The following BOD1L1 variants were observed in gnomAD, a reference collection of about 807,000 sequenced individuals.
The protein encoded by BOD1L1 is biorientation of chromosomes in cell division 1 like 1, also known as biorientation of chromosomes in cell division protein 1-like 1.
Under a neutral mutation model 240.7 loss-of-function variants are expected in BOD1L1, and 86 were observed. The ratio of observed to expected loss-of-function variants is 0.36; its 90% confidence interval spans 0.30 to 0.43. BOD1L1 has a LOEUF of 0.43. BOD1L1 is among the 20% of genes least tolerant of loss of function. The pLI, the probability that BOD1L1 is intolerant of heterozygous loss-of-function variation, is 1.00. For missense variants in BOD1L1, 3,554 were observed against 3,643.5 expected, an observed-to-expected ratio of 0.98 and a Z score of 0.63; for synonymous variants, 1,268 against 1,272.3, an observed-to-expected ratio of 1.00 and a Z score of 0.07.
Position 13,603,236 on chromosome 4 carries a change from C to T in BOD1L1, c.3664G>A (p.Glu1222Lys). The change falls in exon 10 of 26, where the codon GAA becomes AAA. Residue 1222 changes from glutamate to lysine, a missense_variant. By Grantham distance (56) the Glu-to-Lys change is moderately conservative. Transcript: ENST00000040738. The stretch of plus-strand genomic sequence containing the variant: ...TCAGTAGTTCCTCTATGAATGGGTT[C>T]TTTCTCCCCAGGGTTCATTTTGGAC... ...AVSKMNPGEK[E>K]PIHRGTTEVN... 6.2e-7 allele frequency: 1 copy of T among 1,613,986 alleles called. No individual in the cohort carries two copies. The highest frequency in any genetic ancestry group is 2.2e-5 in the East Asian group (1 of 44,886).
intron 2 of BOD1L1, 147 bp from the exon 3 acceptor site, chr4:13,615,649 A>T: frequency 1.3e-6 from 1 of 766,410 alleles, no homozygotes; most frequent in South Asian, 2.1e-5. Context: ...GATATAGACA[A>T]TGGAAACTAA....
In BOD1L1 at chr4:13,604,577, G is replaced by C; in HGVS notation, c.2323C>G (p.Gln775Glu). 1 of 1,564,618 alleles carries C rather than the reference G, an allele frequency of 6.4e-7. No homozygotes were observed. The highest frequency in any genetic ancestry group is 8.6e-7 in the Non-Finnish European group (1 of 1,164,258). ...GAAGAAAGCTTTGTTTGTTGACTTT[G>C]CTTTTGAATATTTTCCTCTACTTTT... Reference protein sequence around the residue: ...GLKVEENIQKQSQQTKLSSDD... With the variant: ...GLKVEENIQKESQQTKLSSDD... Residue 775 changes from glutamine to glutamate, a missense_variant, in exon 10 of 26, where the codon CAA (glutamine) becomes GAA (glutamate). Coordinates refer to ENST00000040738, the MANE Select transcript of BOD1L1 (RefSeq NM_148894.3).
intron 25 of BOD1L1, among the ~76,000 whole-genome samples, chr4:13,572,376 A>G (rs1046362134): frequency 6.6e-6 from 1 of 152,144 alleles, no homozygotes; most frequent in Non-Finnish European, 1.5e-5. Context: ...CACCTCTCCA[A>G]TGCTCTAGCT....
At chr4:13,607,067 G>A in intron 9 of BOD1L1, 50 bp downstream of exon 9, 1 of 1,213,016 alleles carries the variant, frequency 8.2e-7, no homozygotes, top group Non-Finnish European at 1.2e-6. Flanking sequence ...GGAATAAACA[G>A]CCTATATCTA....
At chr4:13,585,107 T>C (rs777978547) in intron 17 of BOD1L1, among the ~76,000 whole-genome samples, 16 of 152,234 alleles carry the variant, frequency 1.1e-4, no homozygotes, top group Non-Finnish European at 1.6e-4. Flanking sequence ...AAGTATTGTC[T>C]CAGGATTTTT....
chr4:13,598,206 G>C (rs1423673458), intron 10 of BOD1L1, among the ~76,000 whole-genome samples: 1 of 152,182 alleles, frequency 6.6e-6, no homozygotes, highest in East Asian at 1.9e-4. Flanking sequence ...ATTTCTAAAA[G>C]ACCAGCACTG....
chr4:13,622,693 C>G (rs547543773), intron 1 of BOD1L1, among the ~76,000 whole-genome samples: 3 of 152,324 alleles, frequency 2.0e-5, no homozygotes, highest in East Asian at 3.9e-4. Context: ...TGGCCTCATG[C>G]AGAATTCTAT....
At chr4:13,618,530 C>T (rs942209994) in intron 2 of BOD1L1, among the ~76,000 whole-genome samples, 3 of 152,158 alleles carry the variant, frequency 2.0e-5, no homozygotes, top group Non-Finnish European at 2.9e-5. Context: ...TTGACCTTTT[C>T]CCACCAGGTA....
At chr4:13,591,002 T>G (rs1227643276) in intron 13 of BOD1L1, among the ~76,000 whole-genome samples, 1 of 152,120 alleles carries the variant, frequency 6.6e-6, no homozygotes, top group Non-Finnish European at 1.5e-5. Context: ...ATGGAGAACA[T>G]GCCAGCTGGC....
chr4:13,581,565 G>T (rs753319535), intron 19 of BOD1L1, among the ~76,000 whole-genome samples: 4 of 151,656 alleles, frequency 2.6e-5, no homozygotes, highest in Non-Finnish European at 5.9e-5. Flanking sequence ...AAAAATAAAG[G>T]GGTCCACTGA....
In BOD1L1 at chr4:13,611,019, G is replaced by A. The variant is rs754199786; in HGVS notation, c.1406C>T (p.Ala469Val). Residue 469 changes from alanine (A) to valine (V), a missense_variant, in exon 6 of 26, where the codon GCG becomes GTG. By Grantham distance (64) the Ala-to-Val change is moderately conservative. This residue lies in a region of BOD1L1 where 3,393 missense variants were observed against 3,427.1 expected (regional missense o/e 0.99). Coordinates refer to ENST00000040738, the MANE Select transcript of BOD1L1 (RefSeq NM_148894.3). Reference protein sequence around the residue: ...SEGKTKSVRHAYVHKPYLYSK... With the variant: ...SEGKTKSVRHVYVHKPYLYSK... ...GTAAAGATATGGTTTGTGGACATAC[G>A]CATGCCGTACACTTTTTGTTTTTCC... is the stretch of plus-strand genomic sequence containing the variant. 6.8e-6 allele frequency: 11 copies of A among 1,611,618 alleles called. No homozygotes were observed. The highest frequency in any genetic ancestry group is 2.2e-5 in the East Asian group (1 of 44,822).
At chr4:13,584,461 T>A (rs1276207047) in intron 17 of BOD1L1, among the ~76,000 whole-genome samples, 3 of 151,310 alleles carry the variant, frequency 2.0e-5, no homozygotes, top group Admixed American at 6.6e-5. Flanking sequence ...TGTGTGTGTG[T>A]GTGTGTGTGT....
In BOD1L1 at chr4:13,614,421, TA is replaced by T; in HGVS notation, c.948del (p.Asn316LysfsTer54). The stretch of plus-strand genomic sequence containing the variant: ...TTCTTTTCACCTTTGTCTGTTGATT[TA>T]TTTTTTTGCTCACTGCTTTCCTGTT... The part of the protein sequence containing the change: ...DVQQESSEQK[N>X]KSTDKGEKKP... On this transcript the variant is annotated frameshift_variant, in exon 4 of 26. Transcript: ENST00000040738. LOFTEE classifies it high-confidence loss of function. 1 of 1,597,356 alleles carries T rather than the reference TA, an allele frequency of 6.3e-7. No homozygotes were observed. Among genetic ancestry groups the T allele is most frequent in the Non-Finnish European group, 8.5e-7 (1 of 1,170,294 alleles).
intron 11 of BOD1L1, 89 bp from the exon 12 acceptor site, chr4:13,596,033 G>A: frequency 9.5e-7 from 1 of 1,051,460 alleles, no homozygotes; most frequent in Non-Finnish European, 1.4e-6. Flanking sequence ...AAAAAACCCA[G>A]CATCCTGAAA....
intron 20 of BOD1L1, 26 bp downstream of exon 20, chr4:13,581,106 G>A (rs1197900260): frequency 6.4e-7 from 1 of 1,566,176 alleles, no homozygotes; most frequent in African/African-American, 1.4e-5. Flanking sequence ...TCTTGTGTGT[G>A]AACTGAAAAC....
intron 17 of BOD1L1, among the ~76,000 whole-genome samples, chr4:13,584,483 T>TGTGTGTGTGTG (rs1553836196): frequency 7.4e-6 from 1 of 135,558 alleles, no homozygotes; most frequent in African/African-American, 3.0e-5. Context: ...TGTGTGTGTG[T>TGTGTGTGTGTG]TGGAGCGAGT....
Position 13,599,609 on chromosome 4 carries a change from C to T in BOD1L1, c.7291G>A (p.Glu2431Lys). The T allele has an allele frequency of 3.1e-6, 5 of 1,614,044 alleles. No individual in the cohort carries two copies. The highest frequency in any genetic ancestry group is 4.2e-6 in the Non-Finnish European group (5 of 1,179,902). ...GHPSAVCAEK[E>K]EKHGKECPEI... ...GGGCACTCCTTGCCATGCTTCTCTT[C>T]TTTTTCCGCACAAACAGCACTTGGA... The change falls in exon 10 of 26, where the codon GAA (glutamate) becomes AAA (lysine). Residue 2431 changes from glutamate to lysine, a missense_variant. Physicochemically the swap from Glu to Lys is moderately conservative, Grantham distance 56. Around this residue, in one of 2 missense-constraint regions of BOD1L1, gnomAD observed 3,393 missense variants for 3,427.1 expected, o/e 0.99. Transcript: ENST00000040738.
Position 13,601,906 on chromosome 4 carries a change from C to T in BOD1L1, c.4994G>A (p.Gly1665Asp), listed in dbSNP as rs147584238. The T allele has an allele frequency of 6.2e-7, 1 of 1,613,928 alleles. No individual in the cohort carries two copies. The highest frequency in any genetic ancestry group is 1.3e-5 in the African/African-American group (1 of 75,020). ...TATTTCTGAGTCTCTACTTAAAGAA[C>T]CATCACATTTTTCTTCAGAGCCTGC... The part of the protein sequence containing the change: ...TSAGSEEKCD[G>D]SLSRDSEIVE... Residue 1665 changes from glycine (G) to aspartate (D), a missense_variant, in exon 10 of 26, where the codon GGT becomes GAT. Gly to Asp is a moderately conservative substitution (Grantham distance 94, BLOSUM62 -1). Around this residue, in one of 2 missense-constraint regions of BOD1L1, gnomAD observed 3,393 missense variants for 3,427.1 expected, o/e 0.99. Transcript: ENST00000040738.
intron 10 of BOD1L1, among the ~76,000 whole-genome samples, chr4:13,598,604 T>C (rs757020116): frequency 6.6e-6 from 1 of 152,168 alleles, no homozygotes; most frequent in African/African-American, 2.4e-5. Flanking sequence ...TATTCTTCTT[T>C]TTGATTGACA....
Sources: gnomAD v4.1 joint callset for allele counts (sites outside exome capture counted in the v4.1 genomes callset) on GRCh38, gnomAD v4.1.1 for gene constraint, gnomAD v4.1.1 regional missense constraint, MANE v1.5 for transcripts, NCBI Gene and HGNC (gene_info 2026-07-23, HGNC 2026-07-21) for gene names.